Variants in CCT7 observed in about 807,000 individuals in gnomAD.
CCT7 encodes T-complex protein 1 subunit eta.
CCT7 carries 16 observed loss-of-function variants against 56.6 expected under a neutral mutation model. The ratio of observed to expected loss-of-function variants is 0.28; its 90% CI spans 0.19 to 0.43. CCT7 has a LOEUF of 0.43. CCT7 is among the 20% of genes least tolerant of loss of function. The pLI is 1.00. For missense variants in CCT7, 519 were observed against 685.6 expected (o/e 0.76, Z 2.71); for synonymous variants, 262 against 254.8 (o/e 1.03, Z -0.27).
chr2:73,247,953 G>C (rs1558568314), intron 7 of CCT7, 27 bp downstream of exon 7: 2 of 1,604,076 alleles, frequency 1.2e-6, no homozygotes, highest in Admixed American at 3.3e-5. Flanking sequence ...GTTGGTGGGG[G>C]CATGGAAATG....
At chr2:73,244,791 G>A in intron 6 of CCT7, 76 bp downstream of exon 6, 1 of 1,164,300 alleles carries the variant, frequency 8.6e-7, no homozygotes, top group Non-Finnish European at 1.2e-6. Context: ...TGGCAGAGGG[G>A]TACTCATTAC....
intron 5 of CCT7, 71 bp from the exon 6 acceptor site, chr2:73,244,473 C>T: frequency 7.4e-7 from 1 of 1,351,508 alleles, no homozygotes; most frequent in Middle Eastern, 1.9e-4. Flanking sequence ...ACTACCTCCA[C>T]ACTGTAGTAG....
chr2:73,234,685 C>T (rs926999467), intron 1 of CCT7, among the ~76,000 whole-genome samples: 5 of 152,188 alleles, frequency 3.3e-5, no homozygotes, highest in Non-Finnish European at 5.9e-5. Flanking sequence ...TTTTTAGCCC[C>T]GCATGATCGG....
chr2:73,235,691 A>C (rs531753131), intron 1 of CCT7: 2 of 308,196 alleles, frequency 6.5e-6, no homozygotes, highest in African/African-American at 4.5e-5. Flanking sequence ...GACTTTGAGC[A>C]TGTTATTTAA....
intron 6 of CCT7, among the ~76,000 whole-genome samples, chr2:73,245,716 C>T (rs1687305298): frequency 6.6e-6 from 1 of 152,144 alleles, no homozygotes; most frequent in Non-Finnish European, 1.5e-5. Context: ...TGAAAGATAG[C>T]CTGGCCCTTC....
intron 6 of CCT7, among the ~76,000 whole-genome samples, chr2:73,246,789 A>G (rs1687359639): frequency 6.6e-6 from 1 of 151,982 alleles, no homozygotes; most frequent in Admixed American, 6.6e-5. Context: ...TCTTTGACTA[A>G]TTTCTGCTCA....
At chr2:73,238,079 C>T (rs1026169868) in intron 1 of CCT7, among the ~76,000 whole-genome samples, 2 of 152,064 alleles carry the variant, frequency 1.3e-5, no homozygotes, top group African/African-American at 2.4e-5. Context: ...TCTCTTATTC[C>T]GTAGAGTTTA....
At chr2:73,240,410 T>C in intron 2 of CCT7, 27 bp from the exon 3 acceptor site, 1 of 1,566,308 alleles carries the variant, frequency 6.4e-7, no homozygotes, top group South Asian at 1.1e-5. Context: ...AGAAAGGGGC[T>C]TTAGATTTTT....
chr2:73,238,991 C>T (rs1686993610), intron 1 of CCT7: 1 of 152,232 alleles, frequency 6.6e-6, no homozygotes. Context: ...GGAAATTAGT[C>T]ACACAGAAGC....
intron 2 of CCT7, 77 bp downstream of exon 2, chr2:73,239,873 G>A: frequency 7.8e-7 from 1 of 1,287,358 alleles, no homozygotes; most frequent in Non-Finnish European, 1.1e-6. Context: ...AGCATAGGTT[G>A]GTATCAGAAA....
rs760750893 is a variant in CCT7, at chr2:73,247,869, C to G, written c.726C>G (p.Val242=). The G allele has an allele frequency of 6.2e-7, 1 of 1,613,944 alleles. No individual in the cohort carries two copies. ...ATCCCAAGATTGCCCTTTTGAATGT[C>G]GAGCTCGAGTTGAAAGCTGAGAAAG... The part of the protein sequence containing the change: ...YHNPKIALLN[V]ELELKAEKDN... The change falls in exon 7 of 12, where the codon GTC becomes GTG. Residue 242 remains valine, a synonymous_variant. Coordinates refer to ENST00000258091, the MANE Select transcript of CCT7 (RefSeq NM_006429.4).
Position 73,251,377 on chromosome 2 carries a change from A to G in CCT7, c.1355A>G (p.Asn452Ser), listed in dbSNP as rs1687574483. 7 of 1,519,386 alleles carry G rather than the reference A, an allele frequency of 4.6e-6. No homozygotes were observed. Among genetic ancestry groups the G allele is most frequent in the Non-Finnish European group, 6.3e-6 (7 of 1,118,330 alleles). The allele number at this position is 1,519,386 out of a possible 1,614,324, so 94.1% of individuals were successfully genotyped here. A position where few individuals can be genotyped will look rare whatever the true frequency, so the allele number is the denominator to read the frequency against. Residue 452 changes from asparagine to serine, a missense_variant, in exon 11 of 12, where the codon AAT (asparagine) becomes AGT (serine). Transcript: ENST00000258091. ...ATTATCCCACGCCAGCTGTGTGACA[A>G]TGCTGGCTTTGATGCCACAAACATT... ...LEIIPRQLCD[N>S]AGFDATNILN...
chr2:73,244,091 G>A (rs762060774), intron 5 of CCT7, 42 bp downstream of exon 5: 21 of 1,555,646 alleles, frequency 1.3e-5, no homozygotes, highest in Admixed American at 5.4e-5. Context: ...TTAAAGAGAC[G>A]GAGCCTTGCT....
At chr2:73,252,013 A>G (rs1044893497) in intron 11 of CCT7, among the ~76,000 whole-genome samples, 1 of 147,942 alleles carries the variant, frequency 6.8e-6, no homozygotes, top group Admixed American at 6.8e-5. Context: ...CTGGAAGCAC[A>G]TACTGACCAC....
chr2:73,236,344 C>CTTT (rs1372969989), intron 1 of CCT7, among the ~76,000 whole-genome samples: 1 of 146,676 alleles, frequency 6.8e-6, no homozygotes, highest in African/African-American at 2.5e-5. Context: ...GTTTCTTTTT[C>CTTT]TTTTTTTTTT....
chr2:73,239,605 G>C (rs1687016772), intron 1 of CCT7, 38 bp from the exon 2 acceptor site: 6 of 1,589,878 alleles, frequency 3.8e-6, no homozygotes, highest in Non-Finnish European at 5.2e-6. Context: ...CATTATAATA[G>C]ATGATTATTA....
At chr2:73,244,214 G>A in intron 5 of CCT7, 165 bp downstream of exon 5, 1 of 725,816 alleles carries the variant, frequency 1.4e-6, no homozygotes, top group Non-Finnish European at 2.2e-6. Flanking sequence ...TCAGAACCTT[G>A]ACTGACTTCC....
intron 1 of CCT7, among the ~76,000 whole-genome samples, chr2:73,236,028 C>T (rs942530839): frequency 1.3e-5 from 2 of 152,212 alleles, no homozygotes; most frequent in African/African-American, 4.8e-5. Context: ...AAACTTCTAT[C>T]TCCAAGAGTC....
chr2:73,240,800 T>C (rs2103773020), intron 3 of CCT7, among the ~76,000 whole-genome samples: 1 of 152,276 alleles, frequency 6.6e-6, no homozygotes, highest in South Asian at 2.1e-4. Flanking sequence ...CTTAACAGGT[T>C]GTGTGCTGTC....
Sources: gnomAD v4.1 joint callset for allele counts (sites outside exome capture counted in the v4.1 genomes callset) on GRCh38, gnomAD v4.1.1 for gene constraint, MANE v1.5 for transcripts, NCBI Gene and HGNC (gene_info 2026-07-23, HGNC 2026-07-21) for gene names.